The following HNRNPC variants were observed in gnomAD, a reference collection of about 807,000 sequenced individuals.
The protein encoded by HNRNPC is heterogeneous nuclear ribonucleoproteins C1/C2.
HNRNPC carries 3 observed loss-of-function variants against 33.2 expected under a neutral mutation model. The observed-to-expected ratio is 0.09, with a 90% CI of 0.04 to 0.23. The LOEUF (loss-of-function observed/expected upper bound fraction) is 0.23. Among genes scored for constraint, HNRNPC ranks in the 10% least tolerant of loss-of-function variants. The pLI is 1.00. For synonymous variants in HNRNPC, 121 were observed against 126.7 expected, an observed-to-expected ratio of 0.96 and a Z score of 0.30; for missense variants, 143 against 366.7, an observed-to-expected ratio of 0.39 and a Z score of 4.98.
At chr14:21,215,547 A>G (rs921755413) in intron 5 of HNRNPC, among the ~76,000 whole-genome samples, 3 of 152,210 alleles carry the variant, frequency 2.0e-5, no homozygotes, top group African/African-American at 7.2e-5. Flanking sequence ...TTGGTATAAA[A>G]TCTAGTCAGA....
intron 5 of HNRNPC, among the ~76,000 whole-genome samples, chr14:21,226,462 A>G (rs192618020): frequency 3.2e-4 from 49 of 152,246 alleles, no homozygotes; most frequent in African/African-American, 1.1e-3. Context: ...GCTTAATTCA[A>G]CAACTACAGC....
chr14:21,220,665 G>A (rs765650236), intron 5 of HNRNPC, among the ~76,000 whole-genome samples: 5 of 152,102 alleles, frequency 3.3e-5, no homozygotes, highest in Non-Finnish European at 5.9e-5. Flanking sequence ...AATCAACAAC[G>A]TGTAACAAAC....
At chr14:21,240,081 A>T (rs1212230265) in intron 2 of HNRNPC, among the ~76,000 whole-genome samples, 1 of 152,090 alleles carries the variant, frequency 6.6e-6, no homozygotes, top group Non-Finnish European at 1.5e-5. Context: ...AATGCCCAAA[A>T]ATCTGTGTTT....
chr14:21,267,776 G>A (rs1296870770), intron 1 of HNRNPC, among the ~76,000 whole-genome samples: 2 of 152,098 alleles, frequency 1.3e-5, no homozygotes, highest in Non-Finnish European at 2.9e-5. Context: ...AAAAGTGCCC[G>A]TCAATCAATT....
chr14:21,229,925 G>A (rs928072105), intron 5 of HNRNPC, among the ~76,000 whole-genome samples: 3 of 152,140 alleles, frequency 2.0e-5, no homozygotes, highest in Non-Finnish European at 2.9e-5. Context: ...TTTCCTTCAT[G>A]TTAACTGAGA....
At chr14:21,230,583 G>T in intron 4 of HNRNPC, 1 of 543,130 alleles carries the variant, frequency 1.8e-6, no homozygotes, top group Non-Finnish European at 3.3e-6. Context: ...GTTAAAATTC[G>T]CTAAGATTTC....
At chr14:21,246,899 T>C (rs763009029) in intron 2 of HNRNPC, among the ~76,000 whole-genome samples, 1 of 152,234 alleles carries the variant, frequency 6.6e-6, no homozygotes, top group Non-Finnish European at 1.5e-5. Context: ...TCAATATATC[T>C]TCTGCTCCTT....
chr14:21,241,994 A>G (rs1457659632), intron 2 of HNRNPC, among the ~76,000 whole-genome samples: 4 of 152,222 alleles, frequency 2.6e-5, no homozygotes, highest in African/African-American at 9.6e-5. Flanking sequence ...ACATGGTACT[A>G]CTAGGTAGCC....
chr14:21,228,639 G>C (rs1351391304), intron 5 of HNRNPC, among the ~76,000 whole-genome samples: 1 of 151,970 alleles, frequency 6.6e-6, no homozygotes, highest in Non-Finnish European at 1.5e-5. Flanking sequence ...TGATCCACCT[G>C]CCTTGGCCTC....
intron 5 of HNRNPC, among the ~76,000 whole-genome samples, chr14:21,218,798 AAG>A (rs1892513842): frequency 6.6e-6 from 1 of 151,092 alleles, no homozygotes; most frequent in Non-Finnish European, 1.5e-5. Flanking sequence ...CCAAGAGTTC[AAG>A]ACCAGCCTGT....
At chr14:21,260,652 C>A (rs994611338) in intron 2 of HNRNPC, among the ~76,000 whole-genome samples, 5 of 151,828 alleles carry the variant, frequency 3.3e-5, no homozygotes, top group African/African-American at 1.2e-4. Context: ...CTCTACTGAA[C>A]CCTGTCTCTA....
intron 2 of HNRNPC, among the ~76,000 whole-genome samples, chr14:21,254,174 A>AC (rs1876714254): frequency 6.6e-6 from 1 of 152,160 alleles, no homozygotes; most frequent in South Asian, 2.1e-4. Context: ...AAAGATATGC[A>AC]CAACTGTAGT....
At chr14:21,211,681 C>T in intron 7 of HNRNPC, 115 bp from the exon 8 acceptor site, 1 of 1,427,504 alleles carries the variant, frequency 7.0e-7, no homozygotes. Context: ...ACACAAATAC[C>T]CTTCCCAATT....
chr14:21,225,053 T>C (rs886691856), intron 5 of HNRNPC, among the ~76,000 whole-genome samples: 1 of 152,146 alleles, frequency 6.6e-6, no homozygotes, highest in Non-Finnish European at 1.5e-5. Context: ...GTCTCCGCTG[T>C]CATAATAAAG....
At position 21,210,054 on chromosome 14, in the gene HNRNPC, T is replaced by C. The variant is rs1283765717; in HGVS notation, c.*1169A>G. On this transcript the variant is annotated 3_prime_UTR_variant, in exon 9 of 9. Transcript: ENST00000553300. ...CTATGGAATATCAGGAAGTAAGAGTTTTCTTGTTTTCAGGAACATGGAGGT... is the reference window on the plus strand; with the variant it reads ...CTATGGAATATCAGGAAGTAAGAGTCTTCTTGTTTTCAGGAACATGGAGGT... The C allele has an allele frequency of 6.6e-6, 1 of 152,178 alleles. No homozygotes were observed. Among genetic ancestry groups the C allele is most frequent in the East Asian group, 1.9e-4 (1 of 5,208 alleles). The allele number at this position is 152,178 out of a possible 1,614,324, so 9.4% of individuals were successfully genotyped here.
At chr14:21,226,336 A>G (rs1012044115) in intron 5 of HNRNPC, among the ~76,000 whole-genome samples, 4 of 151,676 alleles carry the variant, frequency 2.6e-5, no homozygotes, top group Non-Finnish European at 5.9e-5. Flanking sequence ...AGAAAAAAAA[A>G]AAAAAAAAAG....
intron 5 of HNRNPC, among the ~76,000 whole-genome samples, chr14:21,224,218 C>T (rs887622959): frequency 6.6e-6 from 1 of 152,112 alleles, no homozygotes; most frequent in Admixed American, 6.5e-5. Context: ...TATTGTTAAT[C>T]CAAAGCCTCA....
At position 21,225,920 on chromosome 14, in the gene HNRNPC, T is replaced by C. The variant is rs142176936; in HGVS notation, c.365+4399A>G. ...GAAGAAAATATATCTAGTTTATATC[T>C]AGATATAGTTTTAGTATGAAAACAC... On this transcript the variant is annotated intron_variant, in intron 5 of 8. Coordinates refer to ENST00000553300, the MANE Select transcript of HNRNPC (RefSeq NM_004500.4). Among the ~76,000 whole-genome samples, 201 of 152,256 alleles carry C rather than the reference T, an allele frequency of 1.3e-3. 1 individual carries two copies. Among genetic ancestry groups the C allele is most frequent in the African/African-American group, 4.6e-3 (190 of 41,502 alleles).
intron 2 of HNRNPC, among the ~76,000 whole-genome samples, chr14:21,245,856 T>C (rs998141754): frequency 2.6e-5 from 4 of 151,980 alleles, no homozygotes; most frequent in African/African-American, 4.8e-5. Flanking sequence ...TTTTACTTTT[T>C]AGTTTTTTTT....
Sources: allele counts gnomAD v4.1 joint callset (sites outside exome capture counted in the v4.1 genomes callset), GRCh38; gene constraint gnomAD v4.1.1; transcripts MANE v1.5; gene names NCBI Gene and HGNC (gene_info 2026-07-23, HGNC 2026-07-21).